PCDHA5: variants seen among roughly 807,000 people sequenced by gnomAD.
PCDHA5 encodes the protein protocadherin alpha-5.
PCDHA5 carries 43 observed loss-of-function variants against 61.6 expected under a neutral mutation model. That is an observed-to-expected ratio of 0.70 (90% CI 0.55 to 0.90). The LOEUF (loss-of-function observed/expected upper bound fraction) is 0.90, where lower values mean the gene tolerates loss of function less well. Ranked by LOEUF, PCDHA5 falls within the 40% of genes least tolerant of loss-of-function variation. PCDHA5 has a pLI of 0.00. For synonymous variants in PCDHA5, 627 were observed against 543.9 expected (o/e 1.15, Z -2.13); for missense variants, 1,298 against 1,222.7 (o/e 1.06, Z -0.92).
intron 1 of PCDHA5, among the ~76,000 whole-genome samples, chr5:140,891,237 T>C (rs2063002731): frequency 6.6e-6 from 1 of 152,210 alleles, no homozygotes; most frequent in South Asian, 2.1e-4. Flanking sequence ...CTGTTCTGGA[T>C]TCAGTAGGAT....
intron 1 of PCDHA5, among the ~76,000 whole-genome samples, chr5:140,934,142 T>C (rs1359446492): frequency 1.3e-5 from 2 of 152,170 alleles, no homozygotes; most frequent in African/African-American, 4.8e-5. Context: ...TTTCCTTCCT[T>C]ATATGTTTAT....
At chr5:140,946,202 A>T (rs2093901656) in intron 1 of PCDHA5, among the ~76,000 whole-genome samples, 1 of 152,118 alleles carries the variant, frequency 6.6e-6, no homozygotes, top group Non-Finnish European at 1.5e-5. Context: ...AAAAGAAAGC[A>T]CACAAATGAC....
At chr5:140,890,066 C>G (rs1217511895) in intron 1 of PCDHA5, among the ~76,000 whole-genome samples, 1 of 152,148 alleles carries the variant, frequency 6.6e-6, no homozygotes, top group Non-Finnish European at 1.5e-5. Context: ...CTTTTACTGG[C>G]TTATGAGAAC....
Position 140,821,774 on chromosome 5 carries a change from A to G in PCDHA5, c.-2A>G, listed in dbSNP as rs2150110561. The G allele has an allele frequency of 2.7e-5, 43 of 1,605,178 alleles. No individual in the cohort carries two copies. The highest frequency in any genetic ancestry group is 3.7e-5 in the Non-Finnish European group (43 of 1,175,518). ...AAAGCTCATAATTGGAACGAGATTG[A>G]GATGGTATATTCCCGGAGAGGAAGT... On this transcript the variant is annotated 5_prime_UTR_variant, in exon 1 of 4. Transcript: ENST00000529859.
intron 1 of PCDHA5, chr5:140,883,898 C>A (rs781898009): frequency 6.2e-7 from 1 of 1,613,344 alleles, no homozygotes; most frequent in South Asian, 1.1e-5. Flanking sequence ...TGGCGTGCCG[C>A]CTCTGGGCAG....
In PCDHA5 at chr5:140,822,679, A is replaced by G. The variant is rs1248673178; in HGVS notation, c.904A>G (p.Lys302Glu). Residue 302 changes from lysine (K) to glutamate (E), a missense_variant, in exon 1 of 4, where the codon AAA (lysine) becomes GAA (glutamate). Transcript: ENST00000529859. ...FIINSNTGEI[K>E]VNGELDYEDY... is the part of the protein sequence containing the mutation. Reference sequence around the variant, plus strand: ...AATTAATTCTAATACTGGTGAAATAAAAGTTAACGGGGAACTGGATTATGA... The same window carrying G: ...AATTAATTCTAATACTGGTGAAATAGAAGTTAACGGGGAACTGGATTATGA... 1 of 1,609,904 alleles carries G rather than the reference A, an allele frequency of 6.2e-7. No individual in the cohort carries two copies. Among genetic ancestry groups the G allele is most frequent in the Non-Finnish European group, 8.5e-7 (1 of 1,176,856 alleles).
chr5:140,882,119 T>C, intron 1 of PCDHA5: 1 of 1,438,056 alleles, frequency 7.0e-7, no homozygotes, highest in South Asian at 1.4e-5. Context: ...AGCCGCCGTT[T>C]CTTTCTTCCT....
At chr5:140,865,669 A>G (rs546524670) in intron 1 of PCDHA5, 4 of 152,306 alleles carry the variant, frequency 2.6e-5, no homozygotes, top group African/African-American at 9.6e-5. Flanking sequence ...ACTTATAACA[A>G]TTTCTAAAGT....
At chr5:140,934,901 T>C (rs1270837168) in intron 1 of PCDHA5, among the ~76,000 whole-genome samples, 1 of 152,192 alleles carries the variant, frequency 6.6e-6, no homozygotes, top group African/African-American at 2.4e-5. Flanking sequence ...CCTTTTATTT[T>C]GGAATAATTA....
In PCDHA5 at chr5:140,849,626, A is replaced by C. The variant is rs141672026; in HGVS notation, c.2352+25499A>C. ...TTGCCCTGATTAGTGTGATCGACCT[A>C]GACGCAGATGCCAACGGGCAGGTTA... On this transcript the variant is annotated intron_variant, in intron 1 of 3. Transcript: ENST00000529859. 6.8e-4 allele frequency: 1,095 copies of C among 1,598,786 alleles called. 108 individuals carry two copies. The highest frequency in any genetic ancestry group is 1.2e-3 in the South Asian group (106 of 90,568).
chr5:140,835,233 G>A (rs2150232386), intron 1 of PCDHA5: 2 of 1,597,634 alleles, frequency 1.3e-6, no homozygotes, highest in Non-Finnish European at 1.7e-6. Context: ...CTTCTCCAGT[G>A]ATGTTTCTCC....
intron 1 of PCDHA5, chr5:140,967,766 T>C: frequency 6.2e-7 from 1 of 1,614,218 alleles, no homozygotes; most frequent in Non-Finnish European, 8.5e-7. Flanking sequence ...CTACCAGATC[T>C]ATGTGCAGGC....
At chr5:140,850,015 A>G (rs2041294167) in intron 1 of PCDHA5, 1 of 1,596,724 alleles carries the variant, frequency 6.3e-7, no homozygotes, top group Non-Finnish European at 8.6e-7. Flanking sequence ...CTGTCGAGCT[A>G]CGTGTCAGTG....
Position 140,827,991 on chromosome 5 carries a change from T to C in PCDHA5, c.2352+3864T>C, listed in dbSNP as rs1173902795. 6.1e-6 allele frequency: 9 copies of C among 1,468,882 alleles called. No individual in the cohort carries two copies. The African/African-American group carries it at 8.5e-5, about 14-fold the overall frequency. The allele number at this position is 1,468,882 out of a possible 1,614,324, so 91.0% of individuals were successfully genotyped here. On this transcript the variant is annotated intron_variant, in intron 1 of 3. Transcript: ENST00000529859. ...GCATCATTCCCTGACTGTTGAATGA[T>C]GGCGGACGCAGAAGAAATGGATTAA...
At chr5:140,838,413 C>G (rs1304271115) in intron 1 of PCDHA5, among the ~76,000 whole-genome samples, 1 of 151,456 alleles carries the variant, frequency 6.6e-6, no homozygotes, top group East Asian at 1.9e-4. Flanking sequence ...AGTGAGCCAC[C>G]GCATCCGGCC....
intron 1 of PCDHA5, among the ~76,000 whole-genome samples, chr5:140,959,927 C>A (rs1554224406): frequency 6.6e-6 from 1 of 152,038 alleles, no homozygotes; most frequent in African/African-American, 2.4e-5. Flanking sequence ...TTGTAAAGCC[C>A]CATTACTTAG....
At chr5:141,004,142 G>C (rs1323224367) in intron 3 of PCDHA5, among the ~76,000 whole-genome samples, 1 of 152,214 alleles carries the variant, frequency 6.6e-6, no homozygotes, top group African/African-American at 2.4e-5. Flanking sequence ...TGCCCCAAAG[G>C]CATGACATTT....
At chr5:140,969,145 C>T (rs782791096) in intron 1 of PCDHA5, 1 of 1,614,168 alleles carries the variant, frequency 6.2e-7, no homozygotes, top group South Asian at 1.1e-5. Context: ...CCTACTGCTA[C>T]AAGGCCTGTC....
chr5:140,993,462 TCACACA>T (rs3836747), intron 3 of PCDHA5, among the ~76,000 whole-genome samples: 28,176 of 140,902 alleles, frequency 0.2, 2,920 homozygotes, highest in East Asian at 0.31. Flanking sequence ...TCTTTCTTTC[TCACACA>T]CACACACACA....
Sources: gnomAD v4.1 joint callset for allele counts (sites outside exome capture counted in the v4.1 genomes callset) on GRCh38, gnomAD v4.1.1 for gene constraint, MANE v1.5 for transcripts, NCBI Gene and HGNC (gene_info 2026-07-23, HGNC 2026-07-21) for gene names.